CABP2: variants seen among roughly 807,000 people sequenced by gnomAD.
CABP2 encodes calcium-binding protein 2.
A neutral mutation model predicts 28.6 loss-of-function variants in CABP2; 25 were observed. The observed-to-expected ratio is 0.87, with a 90% confidence interval of 0.64 to 1.22. The LOEUF is 1.22. CABP2 is among the 50% of genes most tolerant of loss of function. The probability of loss-of-function intolerance (pLI) is 0.00; values close to 1 mark genes in which losing one functional copy is unlikely to be tolerated. For missense variants in CABP2, 310 were observed against 312.2 expected (o/e 0.99, Z 0.05); for synonymous variants, 138 against 126.0 (o/e 1.09, Z -0.64).
rs915407240 is a variant in CABP2 at position 67,523,329 on chromosome 11, G to A, written c.-3C>T. On this transcript the variant is annotated 5_prime_UTR_variant, in exon 1 of 7. Coordinates refer to ENST00000294288, the MANE Select transcript of CABP2 (RefSeq NM_016366.3). The stretch of plus-strand genomic sequence containing the variant: ...GGCCGCTTGGCACAGTTCCCCATGG[G>A]CCCTGAACCATGCCAGGCCTGGAAC... 6.4e-6 allele frequency: 10 copies of A among 1,551,496 alleles called. No individual in the cohort carries two copies. In the East Asian group the frequency reaches 1.7e-4, roughly 26 times the overall value.
chr11:67,522,116 C>T (rs998985810), intron 2 of CABP2, 134 bp from the exon 3 acceptor site: 17 of 816,438 alleles, frequency 2.1e-5, no homozygotes, highest in African/African-American at 1.0e-4. Flanking sequence ...TCTGATTGCT[C>T]GGCCCTGGTT....
intron 1 of CABP2, 130 bp from the exon 2 acceptor site, chr11:67,522,846 G>A: frequency 1.3e-6 from 1 of 777,596 alleles, no homozygotes; most frequent in Non-Finnish European, 2.0e-6. Context: ...GGGGCTGGGG[G>A]GTAGAGAGAG....
chr11:67,521,254 T>C, intron 3 of CABP2, 95 bp from the exon 4 acceptor site: 1 of 1,298,856 alleles, frequency 7.7e-7, no homozygotes, highest in Non-Finnish European at 1.1e-6. Context: ...CATCCCTCCT[T>C]CTGAACATCA....
rs1355136821 is a variant in CABP2, at chr11:67,520,932, G to T, written c.379+93C>A. The T allele has an allele frequency of 4.0e-5, 53 of 1,339,502 alleles. No individual in the cohort carries two copies. In the South Asian group the frequency reaches 5.0e-4, roughly 13 times the overall value. The allele number at this position is 1,339,502 out of a possible 1,614,324, so 83.0% of individuals were successfully genotyped here. On this transcript the variant is annotated intron_variant, in intron 4 of 6. Transcript: ENST00000294288. The stretch of plus-strand genomic sequence containing the variant: ...AGGTCATGGGCTCTGGGGACAGCCT[G>T]TGCAGTCACCTGTGTACCTGGACTG...
intron 6 of CABP2, 25 bp from the exon 7 acceptor site, chr11:67,519,189 G>A (rs1342283360): frequency 6.2e-7 from 1 of 1,613,884 alleles, no homozygotes; most frequent in Non-Finnish European, 8.5e-7. Flanking sequence ...CCAAGGTTTT[G>A]GGTCTGTTCT....
Position 67,522,000 on chromosome 11 carries a change from G to A in CABP2, c.214-18C>T. 3 of 1,610,720 alleles carry A rather than the reference G, an allele frequency of 1.9e-6. No individual in the cohort carries two copies. The highest frequency in any genetic ancestry group is 2.2e-5 in the South Asian group (2 of 90,008). On this transcript the variant is annotated intron_variant, in intron 2 of 6. Coordinates refer to ENST00000294288, the MANE Select transcript of CABP2 (RefSeq NM_016366.3). ...TCCCGGTCCTGAAGGGCACAGAGGG[G>A]TTAGGAATTCCCTGCTCCTACTGAT...
rs1866778470 is a variant in CABP2 at position 67,523,270 on chromosome 11, C to G, written c.42+15G>C. The G allele has an allele frequency of 6.5e-7, 1 of 1,548,936 alleles. No individual in the cohort carries two copies. Reference sequence around the variant, plus strand: ...CCAGCCTCCTGGCCTGGGTTTCTCCCCTGACCCCTCCTACCTTAGGGCCCC... The same window carrying G: ...CCAGCCTCCTGGCCTGGGTTTCTCCGCTGACCCCTCCTACCTTAGGGCCCC... On this transcript the variant is annotated intron_variant, in intron 1 of 6. Transcript: ENST00000294288.
rs772359355 is a variant in CABP2 at position 67,519,935 on chromosome 11, G to A, written c.495C>T (p.Asp165=). The A allele has an allele frequency of 1.2e-6, 2 of 1,606,852 alleles. No homozygotes were observed. Among genetic ancestry groups the A allele is most frequent in the South Asian group, 1.1e-5 (1 of 90,926 alleles). The change falls in exon 6 of 7, where the codon GAC becomes GAT. Residue 165 remains aspartate (D), a synonymous_variant. Coordinates refer to ENST00000294288, the MANE Select transcript of CABP2 (RefSeq NM_016366.3). ...CGCTGATGCGGCCGTCCCCATTGGT[G>A]TCGAACTGTGGCGGCGTTGGTTGTG... ...RELRDAFREF[D]TNGDGRISVG...
chr11:67,519,129 C>T lies in CABP2; in HGVS notation c.*10G>A. 1.2e-6 allele frequency: 2 copies of T among 1,613,910 alleles called. No individual in the cohort carries two copies. ...GAGTCCTTTATGCTGCCTCCAGCTT[C>T]TGTACAGGCTCACCGAGACATCATT... On this transcript the variant is annotated 3_prime_UTR_variant, in exon 7 of 7. Transcript: ENST00000294288.
Position 67,523,445 on chromosome 11 carries a change from C to A in CABP2, c.-119G>T. Reference sequence around the variant, plus strand: ...TGCTCCCGATGAGAGCCTGGGAGTACTGCCGGGGATTTTCCTGGGGTTTTG... The same window carrying A: ...TGCTCCCGATGAGAGCCTGGGAGTAATGCCGGGGATTTTCCTGGGGTTTTG... On this transcript the variant is annotated 5_prime_UTR_variant, in exon 1 of 7. Transcript: ENST00000294288. The A allele has an allele frequency of 8.8e-7, 1 of 1,140,106 alleles. No homozygotes were observed. Among genetic ancestry groups the A allele is most frequent in the Non-Finnish European group, 1.1e-6 (1 of 909,588 alleles). The allele number at this position is 1,140,106 out of a possible 1,614,324, so 70.6% of individuals were successfully genotyped here.
At position 67,519,033 on chromosome 11, in the gene CABP2, A is replaced by G; in HGVS notation, c.*106T>C. On this transcript the variant is annotated 3_prime_UTR_variant, in exon 7 of 7. Transcript: ENST00000294288. Reference sequence around the variant, plus strand: ...GGCACTGCACACAGGTGGGATGGGGAGGAAAGGAGGGTCCCCGCTAGAGGC... The same window carrying G: ...GGCACTGCACACAGGTGGGATGGGGGGGAAAGGAGGGTCCCCGCTAGAGGC... The G allele has an allele frequency of 8.2e-7, 1 of 1,223,086 alleles. No individual in the cohort carries two copies. Among genetic ancestry groups the G allele is most frequent in the Non-Finnish European group, 1.2e-6 (1 of 831,998 alleles). 75.8% of individuals were successfully genotyped at this position (1,223,086 alleles called of 1,614,324 possible).
Position 67,519,907 on chromosome 11 carries a change from C to T in CABP2, c.523G>A (p.Gly175Ser), listed in dbSNP as rs980934581. The change falls in exon 6 of 7, where the codon GGC (glycine) becomes AGC (serine). Residue 175 changes from glycine (G) to serine (S), a missense_variant. Physicochemically the swap from Gly to Ser is moderately conservative, Grantham distance 56. Transcript: ENST00000294288. ...GCCTTGAGGGCCGCCCGGAGCTCGC[C>T]CACGCTGATGCGGCCGTCCCCATTG... ...DTNGDGRISV[G>S]ELRAALKALL... 1.9e-6 allele frequency: 3 copies of T among 1,611,510 alleles called. No homozygotes were observed. The highest frequency in any genetic ancestry group is 1.7e-5 in the Admixed American group (1 of 59,960).
chr11:67,518,963 G>A lies in CABP2; in HGVS notation c.*176C>T, dbSNP rs1866697681. On this transcript the variant is annotated 3_prime_UTR_variant, in exon 7 of 7. Transcript: ENST00000294288. The stretch of plus-strand genomic sequence containing the variant: ...TGTCAGAGAGACAGAGACAAGGCCA[G>A]GCGGCTTTATTGGAGAAGTGGTGGT... The A allele has an allele frequency of 1.6e-6, 1 of 636,926 alleles. No individual in the cohort carries two copies. The highest frequency in any genetic ancestry group is 1.8e-5 in the African/African-American group (1 of 54,408). 39.5% of individuals were successfully genotyped at this position (636,926 alleles called of 1,614,324 possible).
rs550627661 is a variant in CABP2 at position 67,523,405 on chromosome 11, C to T, written c.-79G>A. 1.3e-4 allele frequency: 188 copies of T among 1,450,972 alleles called. No homozygotes were observed. Among genetic ancestry groups the T allele is most frequent in the Admixed American group, 3.8e-4 (15 of 39,656 alleles). The allele number at this position is 1,450,972 out of a possible 1,614,324, so 89.9% of individuals were successfully genotyped here. A position where few individuals can be genotyped will look rare whatever the true frequency, so the allele number is the denominator to read the frequency against. On this transcript the variant is annotated 5_prime_UTR_variant, in exon 1 of 7. Coordinates refer to ENST00000294288, the MANE Select transcript of CABP2 (RefSeq NM_016366.3). ...GGCGGATGCTGCTGCCTGAGGACTC[C>T]TGCCAGCCCCCAGCTGCTCCCGATG...
At position 67,522,529 on chromosome 11, in the gene CABP2, C is replaced by A; in HGVS notation, c.213+17G>T. 6.4e-7 allele frequency: 1 copy of A among 1,552,722 alleles called. No homozygotes were observed. The highest frequency in any genetic ancestry group is 8.7e-7 in the Non-Finnish European group (1 of 1,147,836). On this transcript the variant is annotated intron_variant, in intron 2 of 6. Transcript: ENST00000294288. ...GGGCAAGGGCAGGCAGGCTGGCGGG[C>A]GGGTGGCCGTACATACGAGTTGGGT...
At chr11:67,522,843 G>C (rs202092190) in intron 1 of CABP2, 127 bp from the exon 2 acceptor site, 5 of 849,434 alleles carry the variant, frequency 5.9e-6, no homozygotes, top group East Asian at 2.8e-5. Flanking sequence ...GAAGGGGCTG[G>C]GGGGTAGAGA....
rs1866766696 is a variant in CABP2, at chr11:67,522,701, GCCA to G, written c.55_57del (p.Trp19del). On this transcript the variant is annotated inframe_deletion, in exon 2 of 7. Transcript: ENST00000294288. ...CAGGAGCCCCTTGGTGGGGAGCCGA[GCCA>G]CTGCAAGGGGTCCTGCAGCAGAGCC... 1 of 1,508,042 alleles carries G rather than the reference GCCA, an allele frequency of 6.6e-7. No individual in the cohort carries two copies. The highest frequency in any genetic ancestry group is 1.4e-5 in the African/African-American group (1 of 72,132). 93.4% of individuals were successfully genotyped at this position (1,508,042 alleles called of 1,614,324 possible). A position where few individuals can be genotyped will look rare whatever the true frequency, so the allele number is the denominator to read the frequency against.
intron 3 of CABP2, 49 bp from the exon 4 acceptor site, chr11:67,521,208 G>A (rs1866743856): frequency 1.3e-6 from 2 of 1,582,988 alleles, no homozygotes; most frequent in Non-Finnish European, 1.7e-6. Flanking sequence ...CCCTGATCCT[G>A]GCCTGGACCC....
chr11:67,523,369 G>C lies in CABP2; in HGVS notation c.-43C>G. 6.5e-7 allele frequency: 1 copy of C among 1,530,270 alleles called. No homozygotes were observed. Among genetic ancestry groups the C allele is most frequent in the African/African-American group, 1.4e-5 (1 of 72,262 alleles). The allele number at this position is 1,530,270 out of a possible 1,614,324, so 94.8% of individuals were successfully genotyped here. On this transcript the variant is annotated 5_prime_UTR_variant, in exon 1 of 7. Coordinates refer to ENST00000294288, the MANE Select transcript of CABP2 (RefSeq NM_016366.3). ...AGGCCTGGAACCCCGGGGGTGGCCCGGGTGGGCCTCGGCGGATGCTGCTGC... is the reference window on the plus strand; with the variant it reads ...AGGCCTGGAACCCCGGGGGTGGCCCCGGTGGGCCTCGGCGGATGCTGCTGC...
Sources: gnomAD v4.1 joint callset for allele counts on GRCh38, gnomAD v4.1.1 for gene constraint, MANE v1.5 for transcripts, NCBI Gene and HGNC (gene_info 2026-07-23, HGNC 2026-07-21) for gene names.